The following PDZD2 variants were observed in gnomAD, a reference collection of about 807,000 sequenced individuals.
The protein encoded by PDZD2 is PDZ domain-containing protein 2.
A neutral mutation model predicts 220.7 loss-of-function variants in PDZD2; 90 were observed. The ratio of observed to expected loss-of-function variants is 0.41; its 90% confidence interval spans 0.34 to 0.49. The LOEUF is 0.49. Ranked by LOEUF, PDZD2 falls within the 20% of genes least tolerant of loss-of-function variation. The pLI, the probability that PDZD2 is intolerant of heterozygous loss-of-function variation, is 0.28. For synonymous variants in PDZD2, 1,375 were observed against 1,450.5 expected, an observed-to-expected ratio of 0.95 and a Z score of 1.18; for missense variants, 3,174 against 3,608.5, an observed-to-expected ratio of 0.88 and a Z score of 3.08.
Position 31,700,209 on chromosome 5 carries a change from G to A in PDZD2, c.-361+60772G>A, listed in dbSNP as rs550864495. ...GATGAGAAGGCAAGTTAGGCCTAGA[G>A]GGAGTAGAAGAGGAAGAAAGCCAAG... On this transcript the variant is annotated intron_variant, in intron 1 of 24. Transcript: ENST00000438447. 2.5e-3 allele frequency among the ~76,000 whole-genome samples: 386 copies of A among 152,276 alleles called. 1 individual carries two copies. The highest frequency in any genetic ancestry group is 2.4e-3 in the Non-Finnish European group (161 of 68,024).
intron 2 of PDZD2, among the ~76,000 whole-genome samples, chr5:31,854,675 T>G (rs1758267610): frequency 6.6e-6 from 1 of 152,102 alleles, no homozygotes; most frequent in South Asian, 2.1e-4. Flanking sequence ...TCTAACCTGC[T>G]CCAGGTTTGC....
intron 1 of PDZD2, among the ~76,000 whole-genome samples, chr5:31,710,045 C>T (rs889538207): frequency 6.6e-6 from 1 of 152,172 alleles, no homozygotes; most frequent in Non-Finnish European, 1.5e-5. Flanking sequence ...AGCGGCTGCT[C>T]GCCCCTGACT....
At chr5:31,765,305 T>C (rs1328475612) in intron 1 of PDZD2, among the ~76,000 whole-genome samples, 1 of 152,176 alleles carries the variant, frequency 6.6e-6, no homozygotes, top group Non-Finnish European at 1.5e-5. Flanking sequence ...CGCTGGAGGA[T>C]GCTCTTCCTC....
intron 2 of PDZD2, among the ~76,000 whole-genome samples, chr5:31,846,485 G>A (rs1166260486): frequency 3.3e-5 from 5 of 152,216 alleles, no homozygotes; most frequent in African/African-American, 1.2e-4. Context: ...AAGAGGGAAA[G>A]AGACATGGGC....
At chr5:31,895,648 CTT>C (rs1741475945) in intron 2 of PDZD2, among the ~76,000 whole-genome samples, 1 of 152,204 alleles carries the variant, frequency 6.6e-6, no homozygotes, top group Non-Finnish European at 1.5e-5. Context: ...GATAGAGTGA[CTT>C]TAAATTCTGC....
Position 31,976,450 on chromosome 5 carries a change from T to C in PDZD2, c.477-6705T>C, listed in dbSNP as rs1749770935. Among the ~76,000 whole-genome samples, 4 of 152,168 alleles carry C rather than the reference T, an allele frequency of 2.6e-5. No homozygotes were observed. The South Asian group carries it at 8.3e-4, about 32-fold the overall frequency. On this transcript the variant is annotated intron_variant, in intron 2 of 24. Coordinates refer to ENST00000438447, the MANE Select transcript of PDZD2 (RefSeq NM_178140.4). ...CGTCCATCCTGTGTGTCCAACAAGG[T>C]GACTATTAGCAGCTAGTACTGTCCT...
At chr5:31,653,536 G>A (rs1745430493) in intron 1 of PDZD2, among the ~76,000 whole-genome samples, 1 of 152,102 alleles carries the variant, frequency 6.6e-6, no homozygotes, top group South Asian at 2.1e-4. Flanking sequence ...CTGAGGCAGC[G>A]CTAGTTATGA....
At chr5:31,845,869 A>C (rs951085573) in intron 2 of PDZD2, among the ~76,000 whole-genome samples, 1 of 152,228 alleles carries the variant, frequency 6.6e-6, no homozygotes, top group Non-Finnish European at 1.5e-5. Flanking sequence ...CATGCTAGCT[A>C]CTTAGTACTT....
chr5:31,864,945 T>G lies in PDZD2; in HGVS notation c.476+65221T>G, dbSNP rs555826195. Among the ~76,000 whole-genome samples the G allele has an allele frequency of 3.2e-3, 436 of 135,808 alleles. 3 individuals carry two copies. The highest frequency in any genetic ancestry group is 0.013 in the African/African-American group (423 of 31,988). The allele number at this position is 135,808 out of a possible 152,430, so 89.1% of individuals were successfully genotyped here. On this transcript the variant is annotated intron_variant, in intron 2 of 24. Transcript: ENST00000438447. The stretch of plus-strand genomic sequence containing the variant: ...CTCACTTCAAGCTCCGCCTCCTGGG[T>G]TCATGCTGTTCTCCTGCCTCAGCCC...
intron 1 of PDZD2, among the ~76,000 whole-genome samples, chr5:31,736,803 G>T (rs1749887524): frequency 1.3e-5 from 2 of 152,186 alleles, no homozygotes; most frequent in Admixed American, 6.5e-5. Context: ...TATCATGAAT[G>T]ACTTGGGCCA....
chr5:31,689,353 A>ATTTTTTTTTTTTCTTT (rs1747020247), intron 1 of PDZD2, among the ~76,000 whole-genome samples: 5 of 35,078 alleles, frequency 1.4e-4, no homozygotes, highest in Non-Finnish European at 1.7e-4. Context: ...ATATATATAT[A>ATTTTTTTTTTTTCTTT]TTTTTTTTTT....
At chr5:31,702,220 AT>A (rs1319530093) in intron 1 of PDZD2, among the ~76,000 whole-genome samples, 4 of 152,032 alleles carry the variant, frequency 2.6e-5, no homozygotes, top group African/African-American at 7.3e-5. Context: ...TGTTAGTGGC[AT>A]TTTTTTTCTT....
At chr5:31,757,541 G>A (rs911659781) in intron 1 of PDZD2, among the ~76,000 whole-genome samples, 25 of 151,792 alleles carry the variant, frequency 1.6e-4, no homozygotes, top group African/African-American at 5.1e-4. Context: ...GCAGTGAGCC[G>A]AGATTGCGCC....
chr5:31,795,221 G>A (rs1013346521), intron 1 of PDZD2, among the ~76,000 whole-genome samples: 2 of 152,190 alleles, frequency 1.3e-5, no homozygotes, highest in African/African-American at 4.8e-5. Flanking sequence ...CTAACCATTA[G>A]AGCATCTAAG....
chr5:31,739,470 T>C (rs1287916291), intron 1 of PDZD2, among the ~76,000 whole-genome samples: 1 of 152,108 alleles, frequency 6.6e-6, no homozygotes, highest in East Asian at 1.9e-4. Context: ...AAAATGTCAG[T>C]CTTTGAAGAA....
Position 31,730,592 on chromosome 5 carries a change from G to GGTGTGT in PDZD2, c.-360-68284_-360-68279dup, listed in dbSNP as rs55673526. On this transcript the variant is annotated intron_variant, in intron 1 of 24. Transcript: ENST00000438447. Reference sequence around the variant, plus strand: ...TGTGTGTGTGTGTGTGTGTGTGTGTGGTGTGTGTGTGTGTGTGTAAGGGAG... The same window carrying GGTGTGT: ...TGTGTGTGTGTGTGTGTGTGTGTGTGGTGTGTGTGTGTGTGTGTGTGTGTAAGGGAG... Among the ~76,000 whole-genome samples, 119 of 121,232 alleles carry GGTGTGT rather than the reference G, an allele frequency of 9.8e-4. 1 individual carries two copies. Among genetic ancestry groups the GGTGTGT allele is most frequent in the Middle Eastern group, 4.1e-3 (1 of 244 alleles). 79.5% of individuals were successfully genotyped at this position (121,232 alleles called of 152,430 possible). A position where few individuals can be genotyped will look rare whatever the true frequency, so the allele number is the denominator to read the frequency against.
intron 24 of PDZD2, 45 bp downstream of exon 24, chr5:32,101,284 T>G: frequency 1.3e-6 from 2 of 1,513,012 alleles, no homozygotes; most frequent in Non-Finnish European, 1.8e-6. Context: ...ACCTGTCATT[T>G]TTCCATGGAT....
At chr5:31,852,498 C>G (rs1217321864) in intron 2 of PDZD2, among the ~76,000 whole-genome samples, 2 of 152,018 alleles carry the variant, frequency 1.3e-5, no homozygotes, top group African/African-American at 4.8e-5. Flanking sequence ...GTTGGCCAGG[C>G]TGCTCTCAAA....
At chr5:31,884,737 G>A (rs4867391) in intron 2 of PDZD2, among the ~76,000 whole-genome samples, 54,262 of 151,934 alleles carry the variant, frequency 0.36, 10,169 homozygotes, top group South Asian at 0.5. Context: ...ACAAGTGCCC[G>A]CCACCATTCC....
Sources: gnomAD v4.1 joint callset for allele counts (sites outside exome capture counted in the v4.1 genomes callset) on GRCh38, gnomAD v4.1.1 for gene constraint, MANE v1.5 for transcripts, NCBI Gene and HGNC (gene_info 2026-07-23, HGNC 2026-07-21) for gene names.